Variants in TMIGD3 observed in about 807,000 individuals in gnomAD.
The protein encoded by TMIGD3 is AD026 protein (AD026).
Under a neutral mutation model 28.1 loss-of-function variants are expected in TMIGD3, and 21 were observed. The observed-to-expected ratio is 0.75, with a 90% confidence interval of 0.53 to 1.08. TMIGD3 has a LOEUF of 1.08. TMIGD3 is among the 50% of genes least tolerant of loss of function. The pLI, the probability that TMIGD3 is intolerant of heterozygous loss-of-function variation, is 0.00. For missense variants in TMIGD3, 416 were observed against 435.6 expected, an observed-to-expected ratio of 0.96 and a Z score of 0.40; for synonymous variants, 151 against 162.1, an observed-to-expected ratio of 0.93 and a Z score of 0.52.
At chr1:111,516,576 ACAGGACACACAATGACACCAACTCCTCCT>A (rs1655876104) in intron 1 of TMIGD3, among the ~76,000 whole-genome samples, 1 of 152,208 alleles carries the variant, frequency 6.6e-6, no homozygotes, top group African/African-American at 2.4e-5. Flanking sequence ...AACAGAACAC[ACAGGACACACAATGACACCAACTCCTCCT>A]CAGCTTCTGC....
chr1:111,544,785 T>A (rs936063102), intron 1 of TMIGD3, among the ~76,000 whole-genome samples: 97 of 150,336 alleles, frequency 6.5e-4, no homozygotes, highest in South Asian at 2.6e-3. Flanking sequence ...CATACCCAAT[T>A]TCTTGGGTAT....
intron 1 of TMIGD3, among the ~76,000 whole-genome samples, chr1:111,550,434 A>G (rs967552229): frequency 2.0e-5 from 3 of 150,734 alleles, no homozygotes; most frequent in African/African-American, 7.3e-5. Context: ...TTGATTTGAG[A>G]TCTTTCTTCT....
chr1:111,524,110 A>G (rs1227643175), intron 1 of TMIGD3, among the ~76,000 whole-genome samples: 3 of 147,886 alleles, frequency 2.0e-5, no homozygotes, highest in African/African-American at 5.0e-5. Flanking sequence ...GCTCACTGCA[A>G]GCTCCGCCTC....
Position 111,483,502 on chromosome 1 carries a change from T to C in TMIGD3, c.*185A>G, listed in dbSNP as rs1011408998. 1.7e-6 allele frequency: 1 copy of C among 602,942 alleles called. No individual in the cohort carries two copies. The highest frequency in any genetic ancestry group is 1.9e-5 in the African/African-American group (1 of 53,500). The allele number at this position is 602,942 out of a possible 1,614,324, so 37.3% of individuals were successfully genotyped here. A position where few individuals can be genotyped will look rare whatever the true frequency, so the allele number is the denominator to read the frequency against. On this transcript the variant is annotated 3_prime_UTR_variant, in exon 6 of 6. Transcript: ENST00000369716. Reference sequence around the variant, plus strand: ...TTATTTGAGGGCAGCCTTGCTTGGGTGTGGTCTATCATAGCTCCTCTGACT... The same window carrying C: ...TTATTTGAGGGCAGCCTTGCTTGGGCGTGGTCTATCATAGCTCCTCTGACT...
intron 1 of TMIGD3, among the ~76,000 whole-genome samples, chr1:111,501,564 G>T (rs1340324705): frequency 1.3e-5 from 2 of 152,114 alleles, no homozygotes; most frequent in Non-Finnish European, 2.9e-5. Context: ...ATATGTTAAC[G>T]CATTTCATTT....
chr1:111,500,048 T>A, intron 1 of TMIGD3: 1 of 1,614,252 alleles, frequency 6.2e-7, no homozygotes, highest in Non-Finnish European at 8.5e-7. Flanking sequence ...TTGAACTTCT[T>A]TATTTTATAG....
upstream of TMIGD3, among the ~76,000 whole-genome samples, chr1:111,507,006 C>CGTGTGTGT (rs1557827871): frequency 8.3e-6 from 1 of 119,894 alleles, no homozygotes; most frequent in African/African-American, 3.2e-5. Context: ...TATACACACA[C>CGTGTGTGT]ATATGTGTGT....
At chr1:111,504,380 T>G (rs906071069), upstream of TMIGD3, among the ~76,000 whole-genome samples, 2 of 152,174 alleles carry the variant, frequency 1.3e-5, no homozygotes, top group Non-Finnish European at 1.5e-5. Flanking sequence ...CCTGCCCACA[T>G]TCCCCAAGCC....
At chr1:111,552,401 A>T (rs1657302888) in intron 1 of TMIGD3, among the ~76,000 whole-genome samples, 1 of 152,196 alleles carries the variant, frequency 6.6e-6, no homozygotes, top group Admixed American at 6.5e-5. Flanking sequence ...TTTCCTGAAT[A>T]CGTGTTCCCT....
rs201263167 is a variant in TMIGD3 at position 111,488,693 on chromosome 1, G to A, written c.789C>T (p.Asp263=). 1 of 1,613,530 alleles carries A rather than the reference G, an allele frequency of 6.2e-7. No individual in the cohort carries two copies. Among genetic ancestry groups the A allele is most frequent in the Admixed American group, 1.7e-5 (1 of 59,992 alleles). Residue 263 remains aspartate, a synonymous_variant, in exon 3 of 6, where the codon GAC becomes GAT. Coordinates refer to ENST00000369716, the MANE Select transcript of TMIGD3 (RefSeq NM_020683.7). The part of the protein sequence containing the change: ...VTDDKGTLAN[D]FWSGKDLSGN... ...GCTCCTTACCTTTCCCAGACCAAAA[G>A]TCATTGGCCAGGGTTCCTTTGTCGT... is the stretch of plus-strand genomic sequence containing the variant.
chr1:111,494,835 T>C (rs560690244), intron 1 of TMIGD3, among the ~76,000 whole-genome samples: 1 of 152,160 alleles, frequency 6.6e-6, no homozygotes, highest in Admixed American at 6.5e-5. Context: ...AACCCACAAG[T>C]AAAGCTACAC....
intron 1 of TMIGD3, chr1:111,542,480 G>C (rs532724141): frequency 1.2e-4 from 23 of 186,560 alleles, no homozygotes; most frequent in Non-Finnish European, 2.1e-4. Context: ...TTGGAGGAGA[G>C]AAATGAAATT....
chr1:111,500,032 G>A, intron 1 of TMIGD3: 3 of 1,614,206 alleles, frequency 1.9e-6, no homozygotes. Flanking sequence ...CAAAAGGTAG[G>A]TTTCCTTGAA....
At chr1:111,508,953 G>A (rs1484100188) in intron 1 of TMIGD3, among the ~76,000 whole-genome samples, 1 of 152,228 alleles carries the variant, frequency 6.6e-6, no homozygotes, top group Non-Finnish European at 1.5e-5. Context: ...AAATTAGCTG[G>A]GCGTGGTGGC....
chr1:111,544,468 G>T (rs577313231), intron 1 of TMIGD3, among the ~76,000 whole-genome samples: 5 of 152,174 alleles, frequency 3.3e-5, no homozygotes, highest in Non-Finnish European at 7.4e-5. Context: ...GCAGTCTTTT[G>T]TGTCTAACTT....
rs1557814300 is a variant in TMIGD3, at chr1:111,486,570, C to CG, written c.872+15_872+16insC. 4 of 1,606,198 alleles carry CG rather than the reference C, an allele frequency of 2.5e-6. No individual in the cohort carries two copies. The East Asian group carries it at 8.9e-5, about 36-fold the overall frequency. ...CACCGCCCCAAGCCCATTCATCCGC[C>CG]AAGACTATGACTCACCTGGAGCGGT... On this transcript the variant is annotated intron_variant, in intron 4 of 5. Coordinates refer to ENST00000369716, the MANE Select transcript of TMIGD3 (RefSeq NM_020683.7).
chr1:111,484,147 T>A (rs768931458), intron 5 of TMIGD3, among the ~76,000 whole-genome samples: 1 of 152,222 alleles, frequency 6.6e-6, no homozygotes, highest in Admixed American at 6.5e-5. Flanking sequence ...TCTTTCATAG[T>A]ATCATGTGCC....
At chr1:111,540,363 G>A (rs547281305) in intron 1 of TMIGD3, among the ~76,000 whole-genome samples, 4 of 152,332 alleles carry the variant, frequency 2.6e-5, no homozygotes, top group African/African-American at 9.6e-5. Context: ...TTGGCATGGG[G>A]CAGCAGCCAG....
intron 1 of TMIGD3, among the ~76,000 whole-genome samples, chr1:111,536,466 T>G (rs561996312): frequency 6.6e-6 from 1 of 152,262 alleles, no homozygotes; most frequent in Non-Finnish European, 1.5e-5. Context: ...TTACTTGCAC[T>G]ATTAACTTCC....
Sources: allele counts gnomAD v4.1 joint callset (sites outside exome capture counted in the v4.1 genomes callset), GRCh38; gene constraint gnomAD v4.1.1; transcripts MANE v1.5; gene names NCBI Gene and HGNC (gene_info 2026-07-23, HGNC 2026-07-21).